ADAM10: variants seen among roughly 807,000 people sequenced by gnomAD.
ADAM10 encodes ADAM metallopeptidase domain 10, also known as disintegrin and metalloproteinase domain-containing protein 10.
In ADAM10, 17 loss-of-function variants were observed where a neutral mutation model predicts 90.1. That is an observed-to-expected ratio of 0.19 (90% CI 0.13 to 0.28). The LOEUF (loss-of-function observed/expected upper bound fraction) is 0.28. Ranked by LOEUF, ADAM10 falls within the 10% of genes least tolerant of loss-of-function variation. The pLI is 1.00. For synonymous variants in ADAM10, 310 were observed against 298.6 expected, an observed-to-expected ratio of 1.04 and a Z score of -0.40; for missense variants, 610 against 914.3, an observed-to-expected ratio of 0.67 and a Z score of 4.29.
At chr15:58,688,027 C>T (rs996228615) in intron 2 of ADAM10, among the ~76,000 whole-genome samples, 6 of 152,098 alleles carry the variant, frequency 3.9e-5, no homozygotes, top group African/African-American at 1.4e-4. Flanking sequence ...CAGAATTATG[C>T]ACAGGCACAC....
chr15:58,641,511 T>A (rs1453704053), intron 7 of ADAM10, among the ~76,000 whole-genome samples: 5 of 152,206 alleles, frequency 3.3e-5, no homozygotes, highest in African/African-American at 7.2e-5. Context: ...AAATTTATTT[T>A]TTTTTCCTGA....
chr15:58,677,306 T>C (rs568726977), intron 4 of ADAM10, among the ~76,000 whole-genome samples: 4 of 152,254 alleles, frequency 2.6e-5, no homozygotes, highest in East Asian at 1.9e-4. Flanking sequence ...ACCACAAACA[T>C]ATATTTACTT....
chr15:58,665,867 C>A (rs1156327130), intron 4 of ADAM10, among the ~76,000 whole-genome samples: 3 of 152,024 alleles, frequency 2.0e-5, no homozygotes, highest in Admixed American at 6.6e-5. Context: ...ATCATCATGA[C>A]TGATGACATC....
At chr15:58,641,034 T>G in intron 7 of ADAM10, 74 bp from the exon 8 acceptor site, 3 of 1,357,952 alleles carry the variant, frequency 2.2e-6, no homozygotes, top group Non-Finnish European at 3.1e-6. Flanking sequence ...GCTCACCTTC[T>G]TCTGCGTACA....
At chr15:58,692,778 T>C (rs1462868717) in intron 2 of ADAM10, 1 of 615,908 alleles carries the variant, frequency 1.6e-6, no homozygotes, top group African/African-American at 1.8e-5. Flanking sequence ...CTACTTTCTC[T>C]GCCACCAGGT....
At chr15:58,688,654 C>T (rs1457718502) in intron 2 of ADAM10, among the ~76,000 whole-genome samples, 1 of 141,696 alleles carries the variant, frequency 7.1e-6, no homozygotes, top group African/African-American at 2.6e-5. Context: ...CAAAAACTGT[C>T]GAAAGAGGGG....
At chr15:58,654,576 A>ACT (rs1157768661) in intron 5 of ADAM10, among the ~76,000 whole-genome samples, 1 of 152,118 alleles carries the variant, frequency 6.6e-6, no homozygotes, top group African/African-American at 2.4e-5. Flanking sequence ...AAAAGGTCTT[A>ACT]CTATAGACCC....
At chr15:58,662,164 T>C (rs1169972869) in intron 5 of ADAM10, among the ~76,000 whole-genome samples, 1 of 152,212 alleles carries the variant, frequency 6.6e-6, no homozygotes, top group African/African-American at 2.4e-5. Flanking sequence ...GGACTTAGTG[T>C]CCTCCTTTAA....
intron 2 of ADAM10, chr15:58,692,430 A>T (rs777934798): frequency 3.6e-6 from 2 of 549,166 alleles, no homozygotes; most frequent in African/African-American, 3.8e-5. Context: ...TATCAGTGTC[A>T]TCCTCCTCAT....
chr15:58,722,165 C>A (rs2140823597), intron 1 of ADAM10, among the ~76,000 whole-genome samples: 1 of 151,956 alleles, frequency 6.6e-6, no homozygotes, highest in South Asian at 2.1e-4. Context: ...CATGGTGAAA[C>A]CCCCGTCTCC....
intron 1 of ADAM10, among the ~76,000 whole-genome samples, chr15:58,724,510 G>T (rs1485733568): frequency 6.6e-6 from 1 of 152,210 alleles, no homozygotes; most frequent in Non-Finnish European, 1.5e-5. Flanking sequence ...CTGCCTGTAA[G>T]CAGTCTCCAG....
In ADAM10 at chr15:58,730,294, G is replaced by A. The variant is rs1004875580; in HGVS notation, c.56-12567C>T. On this transcript the variant is annotated intron_variant, in intron 1 of 15. Transcript: ENST00000260408. ...TGAGTAGAAAAAGTTTCCAAATAACGTAGAAGAAGGGTTGGCAAACTGTTA... is the reference window on the plus strand; with the variant it reads ...TGAGTAGAAAAAGTTTCCAAATAACATAGAAGAAGGGTTGGCAAACTGTTA... Among the ~76,000 whole-genome samples, 4 of 152,314 alleles carry A rather than the reference G, an allele frequency of 2.6e-5. No homozygotes were observed. In the South Asian group the frequency reaches 8.3e-4, roughly 32 times the overall value.
chr15:58,678,960 ACAT>A (rs1200891538), intron 4 of ADAM10, among the ~76,000 whole-genome samples, 161 bp downstream of exon 4: 8 of 152,318 alleles, frequency 5.3e-5, no homozygotes, highest in Admixed American at 2.6e-4. Context: ...TTGCCTCATT[ACAT>A]ATATCTACTA....
In ADAM10 at chr15:58,712,629, C is replaced by T. The variant is rs548063126; in HGVS notation, c.206+4948G>A. On this transcript the variant is annotated intron_variant, in intron 2 of 15. Transcript: ENST00000260408. ...GGTCAGGAGATCAAGACCATCCTGG[C>T]TCACATGGTGAAGCCCCGTCTCTAC... 4.6e-5 allele frequency among the ~76,000 whole-genome samples: 7 copies of T among 151,404 alleles called. No individual in the cohort carries two copies. The South Asian group carries it at 1.0e-3, about 23-fold the overall frequency.
At chr15:58,665,668 CAACT>C (rs531420565) in intron 4 of ADAM10, among the ~76,000 whole-genome samples, 3 of 151,966 alleles carry the variant, frequency 2.0e-5, no homozygotes, top group Non-Finnish European at 4.4e-5. Context: ...TCACAAAACA[CAACT>C]ATCTACCACT....
Position 58,597,403 on chromosome 15 carries a change from G to A in ADAM10, c.*144C>T, listed in dbSNP as rs1198414340. 31 of 1,553,768 alleles carry A rather than the reference G, an allele frequency of 2.0e-5. No homozygotes were observed. The highest frequency in any genetic ancestry group is 2.7e-5 in the Non-Finnish European group (31 of 1,148,048). On this transcript the variant is annotated 3_prime_UTR_variant, in exon 16 of 16. Transcript: ENST00000260408. ...CTTTAAAATTTAAGTAATTCCACCT[G>A]GTCTGAGGATATGATCTCTTGCCAT...
chr15:58,749,375 T>G, intron 1 of ADAM10, 105 bp downstream of exon 1: 1 of 1,238,258 alleles, frequency 8.1e-7, no homozygotes, highest in East Asian at 3.5e-5. Context: ...GCTGGCCGGC[T>G]GGGCTGACTG....
intron 1 of ADAM10, chr15:58,733,239 G>A (rs1294575270): frequency 6.6e-6 from 1 of 152,218 alleles, no homozygotes; most frequent in Non-Finnish European, 1.5e-5. Context: ...TCAGCCAGAA[G>A]TTGAACTGCT....
At chr15:58,746,567 T>A (rs1409522283) in intron 1 of ADAM10, among the ~76,000 whole-genome samples, 1 of 152,168 alleles carries the variant, frequency 6.6e-6, no homozygotes, top group Non-Finnish European at 1.5e-5. Context: ...TGGCTTCCCA[T>A]CCTAGTAATA....
Sources: allele counts gnomAD v4.1 joint callset (sites outside exome capture counted in the v4.1 genomes callset), GRCh38; gene constraint gnomAD v4.1.1; transcripts MANE v1.5; gene names NCBI Gene and HGNC (gene_info 2026-07-23, HGNC 2026-07-21).